Variants in BCL6 observed in about 807,000 individuals in gnomAD.
BCL6 encodes the protein B-cell lymphoma 6 protein.
BCL6 carries 7 observed loss-of-function variants against 59.5 expected under a neutral mutation model. The ratio of observed to expected loss-of-function variants is 0.12; its 90% CI spans 0.07 to 0.22. The LOEUF (loss-of-function observed/expected upper bound fraction) is 0.22. Ranked by LOEUF, BCL6 falls within the 10% of genes least tolerant of loss-of-function variation. BCL6 has a pLI of 1.00. For synonymous variants in BCL6, 339 were observed against 349.7 expected (o/e 0.97, Z 0.34); for missense variants, 685 against 939.4 (o/e 0.73, Z 3.54).
intron 1 of BCL6, chr3:187,736,608 A>C (rs1719292923): frequency 1.3e-5 from 2 of 152,002 alleles, no homozygotes; most frequent in African/African-American, 4.8e-5. Flanking sequence ...CAAACAAACA[A>C]ATTCCCCTGT....
intron 2 of BCL6, among the ~76,000 whole-genome samples, chr3:187,734,039 TG>T (rs1719172938): frequency 6.6e-6 from 1 of 152,136 alleles, no homozygotes; most frequent in Non-Finnish European, 1.5e-5. Flanking sequence ...CCGTGTTTTT[TG>T]TTTTTGTTTT....
intron 1 of BCL6, among the ~76,000 whole-genome samples, chr3:187,742,858 T>C (rs2108481255): frequency 6.6e-6 from 1 of 152,294 alleles, no homozygotes; most frequent in East Asian, 1.9e-4. Context: ...TCTCTCTTCT[T>C]TGAGCTCATG....
chr3:187,729,153 T>C lies in BCL6; in HGVS notation c.1252A>G (p.Met418Val). The C allele has an allele frequency of 6.2e-7, 1 of 1,607,996 alleles. No homozygotes were observed. The highest frequency in any genetic ancestry group is 8.5e-7 in the Non-Finnish European group (1 of 1,175,952). The change falls in exon 5 of 10, where the codon ATG (methionine) becomes GTG (valine). Residue 418 changes from methionine to valine, a missense_variant. By Grantham distance (21) the Met-to-Val change is conservative (BLOSUM62 1). Around this residue, in one of 7 missense-constraint regions of BCL6, gnomAD observed 207 missense variants for 213.7 expected, o/e 0.97. Transcript: ENST00000406870. This position sits in a 1 kb window ranked among gnomAD's most constrained non-coding sequence, Gnocchi z 5.6. ...TGGAGGTCAAGGTTCTCAGGCTCCA[T>C]GGGTGGCTGGCAGGCAGGTGGGGCC... is the stretch of plus-strand genomic sequence containing the variant. Reference protein sequence around the residue: ...YTAPPACQPPMEPENLDLQSP... With the variant: ...YTAPPACQPPVEPENLDLQSP...
intron 1 of BCL6, among the ~76,000 whole-genome samples, 190 bp downstream of exon 1, chr3:187,745,220 A>T (rs569332010): frequency 1.3e-5 from 2 of 152,296 alleles, no homozygotes; most frequent in South Asian, 2.1e-4. Context: ...TAGAATAAAT[A>T]AATATATACA....
intron 1 of BCL6, among the ~76,000 whole-genome samples, chr3:187,738,683 C>T (rs1719402147): frequency 1.3e-5 from 2 of 152,176 alleles, no homozygotes; most frequent in Admixed American, 6.5e-5. Context: ...CAGCGAAAGA[C>T]TCAGCCACAA....
At chr3:187,745,196 T>G (rs572215342) in intron 1 of BCL6, among the ~76,000 whole-genome samples, 1 of 152,134 alleles carries the variant, frequency 6.6e-6, no homozygotes, top group African/African-American at 2.4e-5. Flanking sequence ...GCATTTATTT[T>G]AACACCTGAC....
At chr3:187,744,132 T>C (rs1711751492) in intron 1 of BCL6, among the ~76,000 whole-genome samples, 2 of 152,036 alleles carry the variant, frequency 1.3e-5, no homozygotes, top group East Asian at 1.9e-4. Flanking sequence ...TGGGAAAAAA[T>C]AAAATAAAAT....
In BCL6 at chr3:187,721,569, A is replaced by G. The variant is rs1037807915; in HGVS notation, c.*889T>C. 7 of 233,292 alleles carry G rather than the reference A, an allele frequency of 3.0e-5. No homozygotes were observed. The highest frequency in any genetic ancestry group is 1.8e-4 in the South Asian group (1 of 5,526). The allele number at this position is 233,292 out of a possible 1,614,324, so 14.5% of individuals were successfully genotyped here. A position where few individuals can be genotyped will look rare whatever the true frequency, so the allele number is the denominator to read the frequency against. ...ACTTCAAGTCCCTGTGTCTGCCTACACTTCAAAAAGGGATGGTGCACGCTC... is the reference window on the plus strand; with the variant it reads ...ACTTCAAGTCCCTGTGTCTGCCTACGCTTCAAAAAGGGATGGTGCACGCTC... On this transcript the variant is annotated 3_prime_UTR_variant, in exon 10 of 10. Coordinates refer to ENST00000406870, the MANE Select transcript of BCL6 (RefSeq NM_001706.5). This position sits in a 1 kb window ranked among gnomAD's most constrained non-coding sequence, Gnocchi z 4.2.
intron 1 of BCL6, among the ~76,000 whole-genome samples, chr3:187,743,390 G>A (rs921144630): frequency 6.6e-6 from 1 of 152,032 alleles, no homozygotes; most frequent in Non-Finnish European, 1.5e-5. Context: ...AGGTGGTCAG[G>A]GGCCCTGTGA....
chr3:187,733,435 C>G, intron 3 of BCL6, 98 bp downstream of exon 3: 1 of 1,410,780 alleles, frequency 7.1e-7, no homozygotes, highest in Non-Finnish European at 9.8e-7. Flanking sequence ...GAGACGTCAT[C>G]CCAGATGCAG....
intron 3 of BCL6, 44 bp from the exon 4 acceptor site, chr3:187,731,974 C>T: frequency 6.5e-7 from 1 of 1,530,110 alleles, no homozygotes; most frequent in Admixed American, 1.7e-5. Context: ...CATATCGAAT[C>T]TGTGATCCCT....
At chr3:187,744,368 G>C (rs924772533) in intron 1 of BCL6, among the ~76,000 whole-genome samples, 1 of 146,198 alleles carries the variant, frequency 6.8e-6, no homozygotes, top group African/African-American at 2.5e-5. Flanking sequence ...CTCTCTCCTC[G>C]GGATGAGCAG....
At chr3:187,739,142 G>C (rs1711507738) in intron 1 of BCL6, among the ~76,000 whole-genome samples, 1 of 152,212 alleles carries the variant, frequency 6.6e-6, no homozygotes, top group Non-Finnish European at 1.5e-5. Context: ...AGAGGCTACA[G>C]AGGCTGTTGG....
intron 1 of BCL6, chr3:187,736,575 C>A (rs1001957791): frequency 3.9e-5 from 6 of 152,232 alleles, no homozygotes; most frequent in Non-Finnish European, 7.3e-5. Flanking sequence ...GTGGCAATGA[C>A]TCACTCCAGA....
intron 4 of BCL6, 142 bp from the exon 5 acceptor site, chr3:187,730,163 A>C: frequency 8.5e-7 from 1 of 1,179,866 alleles, no homozygotes. Flanking sequence ...GGGAACCACA[A>C]TTACAACGCA....
At chr3:187,724,219 C>A (rs1307369314) in intron 9 of BCL6, among the ~76,000 whole-genome samples, 2 of 152,112 alleles carry the variant, frequency 1.3e-5, no homozygotes, top group Non-Finnish European at 2.9e-5. Context: ...GGCTGTGTTC[C>A]AATAACCTTT....
At chr3:187,739,108 C>T (rs995198777) in intron 1 of BCL6, among the ~76,000 whole-genome samples, 2 of 152,188 alleles carry the variant, frequency 1.3e-5, no homozygotes, top group African/African-American at 4.8e-5. Flanking sequence ...TGCCTTCCGC[C>T]CTTCCCCCCT....
intron 1 of BCL6, among the ~76,000 whole-genome samples, chr3:187,739,224 G>A (rs1711512700): frequency 6.6e-6 from 1 of 152,220 alleles, no homozygotes; most frequent in Non-Finnish European, 1.5e-5. Context: ...GTAAAGCACT[G>A]TTTAGGGACA....
rs1718428383 is a variant in BCL6 at position 187,721,780 on chromosome 3, G to A, written c.*678C>T. ...ACTTGCAAAAAAATACAAATACACT[G>A]AGGCATTTTAGACAAAATATTTTCT... On this transcript the variant is annotated 3_prime_UTR_variant, in exon 10 of 10. Transcript: ENST00000406870. The surrounding 1 kb of genome is among the most constrained non-coding windows in gnomAD (Gnocchi z 4.2). 1 of 231,230 alleles carries A rather than the reference G, an allele frequency of 4.3e-6. No homozygotes were observed. The highest frequency in any genetic ancestry group is 1.8e-4 in the South Asian group (1 of 5,496). 14.3% of individuals were successfully genotyped at this position (231,230 alleles called of 1,614,324 possible).
Sources: allele counts gnomAD v4.1 joint callset (sites outside exome capture counted in the v4.1 genomes callset), GRCh38; gene constraint gnomAD v4.1.1; regional missense constraint gnomAD v4.1.1; non-coding constraint Gnocchi (gnomAD v3.1); transcripts MANE v1.5; gene names NCBI Gene and HGNC (gene_info 2026-07-23, HGNC 2026-07-21).